The following HIVEP3 variants were observed in gnomAD, a reference collection of about 807,000 sequenced individuals.
The protein encoded by HIVEP3 is transcription factor HIVEP3.
In HIVEP3, 49 loss-of-function variants were observed where a neutral mutation model predicts 152.8. The ratio of observed to expected loss-of-function variants is 0.32; its 90% CI spans 0.26 to 0.41. HIVEP3 has a LOEUF of 0.41. Among genes scored for constraint, HIVEP3 ranks in the 10% least tolerant of loss-of-function variants. The pLI is 1.00. For synonymous variants in HIVEP3, 1,269 were observed against 1,289.0 expected, an observed-to-expected ratio of 0.98 and a Z score of 0.33; for missense variants, 2,790 against 3,103.3, an observed-to-expected ratio of 0.90 and a Z score of 2.40.
chr1:41,586,017 C>A, intron 3 of HIVEP3, among the ~76,000 whole-genome samples: 1 of 152,220 alleles, frequency 6.6e-6, no homozygotes, highest in East Asian at 1.9e-4. Flanking sequence ...ACTGCCACAG[C>A]CTGTGAGAAC....
At chr1:41,621,581 C>A (rs1205784116) in intron 3 of HIVEP3, among the ~76,000 whole-genome samples, 1 of 152,236 alleles carries the variant, frequency 6.6e-6, no homozygotes, top group Admixed American at 6.5e-5. Flanking sequence ...GTGGTATAAT[C>A]ACAGCTCACT....
intron 1 of HIVEP3, among the ~76,000 whole-genome samples, chr1:41,955,884 G>A (rs1307549293): frequency 1.3e-5 from 2 of 152,166 alleles, no homozygotes; most frequent in African/African-American, 2.4e-5. Flanking sequence ...AAGGGCCTCC[G>A]GGACTTAAGT....
Position 41,583,116 on chromosome 1 carries a change from T to C in HIVEP3, c.1682A>G (p.Tyr561Cys). ...STPHHPFRGSYSFDDHITDSE... is the reference protein window; with the variant it reads ...STPHHPFRGSCSFDDHITDSE... ...GTCGGTGATATGGTCATCGAAGGAG[T>C]AGCTACCTCGGAAGGGGTGGTGGGG... Residue 561 changes from tyrosine to cysteine, a missense_variant, in exon 4 of 9, where the codon TAC becomes TGC. Around this residue, in one of 9 missense-constraint regions of HIVEP3, gnomAD observed 339 missense variants for 327.0 expected, o/e 1.04. Transcript: ENST00000372583. This position sits in a 1 kb window ranked among gnomAD's most constrained non-coding sequence, Gnocchi z 6.9. 2.5e-6 allele frequency: 4 copies of C among 1,612,150 alleles called. No homozygotes were observed. Among genetic ancestry groups the C allele is most frequent in the Non-Finnish European group, 3.4e-6 (4 of 1,179,596 alleles).
intron 1 of HIVEP3, among the ~76,000 whole-genome samples, chr1:41,955,291 AAAAG>A (rs1645134420): frequency 6.6e-6 from 1 of 152,122 alleles, no homozygotes; most frequent in Non-Finnish European, 1.5e-5. Context: ...TGTGATGGAA[AAAAG>A]AAAGGGAATA....
Position 41,764,373 on chromosome 1 carries a change from G to A in HIVEP3, c.-800-63378C>T, listed in dbSNP as rs74071370. ...GAAGGAGGCAGGTGTAAGAAACATCGTAGGAGCGGATTTAACTGAGTGCCT... is the reference window on the plus strand; with the variant it reads ...GAAGGAGGCAGGTGTAAGAAACATCATAGGAGCGGATTTAACTGAGTGCCT... On this transcript the variant is annotated intron_variant, in intron 1 of 8. Transcript: ENST00000372583. Among the ~76,000 whole-genome samples, 277 of 152,318 alleles carry A rather than the reference G, an allele frequency of 1.8e-3. 1 individual carries two copies. Among genetic ancestry groups the A allele is most frequent in the African/African-American group, 5.7e-3 (237 of 41,564 alleles).
intron 2 of HIVEP3, among the ~76,000 whole-genome samples, chr1:41,687,851 C>A (rs1646136425): frequency 6.6e-6 from 1 of 152,204 alleles, no homozygotes; most frequent in African/African-American, 2.4e-5. Context: ...AAGCTATGAG[C>A]TATCAGAAAA....
intron 1 of HIVEP3, among the ~76,000 whole-genome samples, chr1:41,878,593 T>G (rs906854211): frequency 1.2e-4 from 18 of 152,076 alleles, no homozygotes; most frequent in African/African-American, 4.3e-4. Flanking sequence ...CATCACGGGA[T>G]CTAAATTCCA....
At chr1:41,998,347 T>A (rs1234605823) in intron 1 of HIVEP3, among the ~76,000 whole-genome samples, 1 of 152,226 alleles carries the variant, frequency 6.6e-6, no homozygotes, top group African/African-American at 2.4e-5. Flanking sequence ...TTTGCCCAGT[T>A]AAACTCACAA....
At position 41,806,735 on chromosome 1, in the gene HIVEP3, G is replaced by A. The variant is rs547490387; in HGVS notation, c.-800-105740C>T. 3.5e-4 allele frequency among the ~76,000 whole-genome samples: 53 copies of A among 152,302 alleles called. No individual in the cohort carries two copies. In the South Asian group the frequency reaches 5.4e-3, roughly 15 times the overall value. On this transcript the variant is annotated intron_variant, in intron 1 of 8. Coordinates refer to ENST00000372583, the MANE Select transcript of HIVEP3 (RefSeq NM_024503.5). Reference sequence around the variant, plus strand: ...AGGAGGCCTTGGAAGGCGCAGGGCCGGGGCCAGCGGGACCACTCAGGCTCA... The same window carrying A: ...AGGAGGCCTTGGAAGGCGCAGGGCCAGGGCCAGCGGGACCACTCAGGCTCA...
chr1:41,758,339 G>T (rs1162868249), intron 1 of HIVEP3, among the ~76,000 whole-genome samples: 3 of 152,216 alleles, frequency 2.0e-5, no homozygotes, highest in Non-Finnish European at 2.9e-5. Flanking sequence ...AATGGGGAGA[G>T]AAGGCATCAG....
chr1:41,765,269 T>A (rs1215084580), intron 1 of HIVEP3, among the ~76,000 whole-genome samples: 1 of 152,216 alleles, frequency 6.6e-6, no homozygotes. Flanking sequence ...CAGCTATTTA[T>A]AAACCCCTGT....
At chr1:41,941,825 C>T (rs1046849673) in intron 1 of HIVEP3, among the ~76,000 whole-genome samples, 5 of 152,160 alleles carry the variant, frequency 3.3e-5, no homozygotes, top group African/African-American at 1.2e-4. Flanking sequence ...TAGATCAGGG[C>T]TGGGGCCTGA....
At chr1:41,965,918 C>T (rs941360179) in intron 1 of HIVEP3, among the ~76,000 whole-genome samples, 1 of 152,138 alleles carries the variant, frequency 6.6e-6, no homozygotes, top group Admixed American at 6.5e-5. Flanking sequence ...AACCCCAAGA[C>T]ACATTATCGT....
At chr1:41,945,993 G>A (rs984317196) in intron 1 of HIVEP3, among the ~76,000 whole-genome samples, 1 of 152,132 alleles carries the variant, frequency 6.6e-6, no homozygotes, top group South Asian at 2.1e-4. Context: ...TTTTACAATA[G>A]AGGTCAGGAG....
At chr1:41,733,387 C>T (rs1430998113) in intron 1 of HIVEP3, among the ~76,000 whole-genome samples, 2 of 152,234 alleles carry the variant, frequency 1.3e-5, no homozygotes, top group African/African-American at 4.8e-5. Flanking sequence ...ATGTAGATTT[C>T]ACCCAAGGCC....
At chr1:41,561,353 C>T (rs192439228) in intron 5 of HIVEP3, among the ~76,000 whole-genome samples, 128 of 152,284 alleles carry the variant, frequency 8.4e-4, no homozygotes, top group African/African-American at 2.1e-3. Context: ...TCCAGCTCCA[C>T]GGCTCACACC....
chr1:41,737,282 A>G (rs957176144), intron 1 of HIVEP3, among the ~76,000 whole-genome samples: 21 of 152,272 alleles, frequency 1.4e-4, no homozygotes, highest in African/African-American at 4.6e-4. Flanking sequence ...TGGGGGACTG[A>G]TTAAGATACT....
At chr1:41,948,753 C>T (rs1391027031) in intron 1 of HIVEP3, among the ~76,000 whole-genome samples, 1 of 137,104 alleles carries the variant, frequency 7.3e-6, no homozygotes, top group Non-Finnish European at 1.5e-5. Context: ...TTACTTAAAA[C>T]CCTTCACCAA....
chr1:41,905,273 C>A (rs1013953269), intron 1 of HIVEP3, among the ~76,000 whole-genome samples: 1 of 152,082 alleles, frequency 6.6e-6, no homozygotes, highest in Admixed American at 6.6e-5. Context: ...GAGGGGGCAG[C>A]CAGCATCTGA....
Sources: allele counts gnomAD v4.1 joint callset (sites outside exome capture counted in the v4.1 genomes callset), GRCh38; gene constraint gnomAD v4.1.1; regional missense constraint gnomAD v4.1.1; non-coding constraint Gnocchi (gnomAD v3.1); transcripts MANE v1.5; gene names NCBI Gene and HGNC (gene_info 2026-07-23, HGNC 2026-07-21).